Variants in CDK14 observed in about 807,000 individuals in gnomAD.
CDK14 encodes the protein cyclin-dependent kinase 14.
Under a neutral mutation model 60.7 loss-of-function variants are expected in CDK14, and 34 were observed. That is an observed-to-expected ratio of 0.56 (90% confidence interval 0.43 to 0.75). The LOEUF is 0.75. Ranked by LOEUF, CDK14 falls within the 30% of genes least tolerant of loss-of-function variation. The pLI, the probability that CDK14 is intolerant of heterozygous loss-of-function variation, is 0.00. For synonymous variants in CDK14, 197 were observed against 203.7 expected (o/e 0.97, Z 0.28); for missense variants, 482 against 564.1 (o/e 0.85, Z 1.47).
At chr7:91,098,862 A>G (rs1799082767) in intron 12 of CDK14, among the ~76,000 whole-genome samples, 1 of 152,168 alleles carries the variant, frequency 6.6e-6, no homozygotes, top group Non-Finnish European at 1.5e-5. Flanking sequence ...CAGTTGGTTT[A>G]AGCCTGTAAA....
At chr7:91,075,738 A>G (rs953418531) in intron 11 of CDK14, among the ~76,000 whole-genome samples, 2 of 152,120 alleles carry the variant, frequency 1.3e-5, no homozygotes, top group Non-Finnish European at 2.9e-5. Flanking sequence ...CAGCCCAAAA[A>G]CTTCTTAAGC....
intron 14 of CDK14, among the ~76,000 whole-genome samples, chr7:91,118,848 C>A (rs1296765069): frequency 6.6e-6 from 1 of 152,104 alleles, no homozygotes; most frequent in Non-Finnish European, 1.5e-5. Flanking sequence ...TCTTTGTCCT[C>A]TACTATTGTG....
chr7:91,145,485 G>A (rs1179710736), intron 14 of CDK14, among the ~76,000 whole-genome samples: 2 of 152,148 alleles, frequency 1.3e-5, no homozygotes, highest in African/African-American at 2.4e-5. Flanking sequence ...GACAGTAACC[G>A]TTGTTTGAGT....
chr7:90,777,131 T>C (rs1276193183), intron 4 of CDK14, among the ~76,000 whole-genome samples: 1 of 152,184 alleles, frequency 6.6e-6, no homozygotes, highest in Non-Finnish European at 1.5e-5. Flanking sequence ...ATTTTAAAAA[T>C]GTTGCTAAAT....
chr7:90,843,889 A>T (rs1790379122), intron 5 of CDK14, among the ~76,000 whole-genome samples: 1 of 152,090 alleles, frequency 6.6e-6, no homozygotes, highest in South Asian at 2.1e-4. Flanking sequence ...ATGTAATGTA[A>T]TTTTTACTGA....
At position 90,865,051 on chromosome 7, in the gene CDK14, C is replaced by T. The variant is rs79809510; in HGVS notation, c.639+1782C>T. 5.9e-3 allele frequency among the ~76,000 whole-genome samples: 899 copies of T among 152,242 alleles called. 16 individuals carry two copies. The highest frequency in any genetic ancestry group is 0.02 in the African/African-American group (851 of 41,554). On this transcript the variant is annotated intron_variant, in intron 6 of 14. Transcript: ENST00000380050. ...GCCTCTGCTTCTATTGACCTGTCTA[C>T]CTGTGTTGCCTTACTTTTACACTGC...
chr7:91,074,856 G>GATGGTT (rs1798250128), intron 11 of CDK14, among the ~76,000 whole-genome samples: 1 of 151,974 alleles, frequency 6.6e-6, no homozygotes, highest in Admixed American at 6.6e-5. Context: ...AGAGAATACT[G>GATGGTT]TAAACACCTC....
intron 14 of CDK14, among the ~76,000 whole-genome samples, chr7:91,200,286 T>C (rs1802674454): frequency 6.6e-6 from 1 of 152,244 alleles, no homozygotes; most frequent in South Asian, 2.1e-4. Context: ...TGTGTGTGTA[T>C]ACATGTATTT....
At chr7:91,096,208 G>T (rs1437786061) in intron 12 of CDK14, among the ~76,000 whole-genome samples, 1 of 152,044 alleles carries the variant, frequency 6.6e-6, no homozygotes, top group African/African-American at 2.4e-5. Flanking sequence ...GTGACCAATA[G>T]GATGTGACAG....
At chr7:90,711,895 T>TTTTTTTTTTA (rs1802076702) in intron 2 of CDK14, among the ~76,000 whole-genome samples, 1 of 151,254 alleles carries the variant, frequency 6.6e-6, no homozygotes, top group Non-Finnish European at 1.5e-5. Context: ...TTTTTTTTTT[T>TTTTTTTTTTA]TTTTTTCAAT....
Position 90,766,515 on chromosome 7 carries a change from T to G in CDK14, c.464+18740T>G, listed in dbSNP as rs146370374. The stretch of plus-strand genomic sequence containing the variant: ...CTGAGACCCATAAAGTTTGAGTAAT[T>G]TGCCTACAATCACACAGCTAAGTTC... On this transcript the variant is annotated intron_variant, in intron 4 of 14. Coordinates refer to ENST00000380050, the MANE Select transcript of CDK14 (RefSeq NM_001287135.2). Among the ~76,000 whole-genome samples the G allele has an allele frequency of 1.3e-3, 200 of 152,340 alleles. 1 individual carries two copies. The highest frequency in any genetic ancestry group is 4.6e-3 in the African/African-American group (190 of 41,568).
At chr7:90,712,827 CT>C (rs1278547996) in intron 2 of CDK14, among the ~76,000 whole-genome samples, 3 of 152,038 alleles carry the variant, frequency 2.0e-5, no homozygotes, top group African/African-American at 4.8e-5. Flanking sequence ...CTTGTGTCTC[CT>C]TTCTCTATTT....
intron 6 of CDK14, among the ~76,000 whole-genome samples, chr7:90,874,683 C>T (rs1056609929): frequency 4.3e-4 from 64 of 150,036 alleles, no homozygotes; most frequent in Middle Eastern, 3.4e-3. Context: ...CGCCCGCCAC[C>T]GTGCCCGGCT....
intron 8 of CDK14, among the ~76,000 whole-genome samples, chr7:90,922,402 A>G (rs997599988): frequency 6.6e-6 from 1 of 152,166 alleles, no homozygotes. Flanking sequence ...ATAATTGATA[A>G]TATATGAACC....
intron 12 of CDK14, among the ~76,000 whole-genome samples, chr7:91,105,166 G>A (rs376174313): frequency 6.6e-6 from 1 of 152,196 alleles, no homozygotes; most frequent in East Asian, 1.9e-4. Context: ...CAGGAAACCA[G>A]AAGAATAATC....
At chr7:91,136,700 T>C (rs1357409783) in intron 14 of CDK14, among the ~76,000 whole-genome samples, 1 of 152,220 alleles carries the variant, frequency 6.6e-6, no homozygotes, top group African/African-American at 2.4e-5. Flanking sequence ...CTTGAGGTTT[T>C]CTGAATTAAG....
At chr7:90,709,051 T>C (rs1378582675) in intron 2 of CDK14, among the ~76,000 whole-genome samples, 1 of 152,140 alleles carries the variant, frequency 6.6e-6, no homozygotes, top group Admixed American at 6.6e-5. Context: ...TTTGGTATTT[T>C]ATTTTTCAGA....
rs368574847 is a variant in CDK14 at position 91,207,190 on chromosome 7, G to GAAA, written c.*62_*64dup. Reference sequence around the variant, plus strand: ...GATTAAGTTGTCATCATTCTGGGAAGAAAAAAAAAACATTAATGAAGAGGC... The same window carrying GAAA: ...GATTAAGTTGTCATCATTCTGGGAAGAAAAAAAAAAAAACATTAATGAAGAGGC... On this transcript the variant is annotated 3_prime_UTR_variant, in exon 15 of 15. Coordinates refer to ENST00000380050, the MANE Select transcript of CDK14 (RefSeq NM_001287135.2). The GAAA allele has an allele frequency of 6.8e-6, 1 of 146,612 alleles. No homozygotes were observed. Among genetic ancestry groups the GAAA allele is most frequent in the African/African-American group, 2.5e-5 (1 of 39,998 alleles). 9.1% of individuals were successfully genotyped at this position (146,612 alleles called of 1,614,324 possible).
intron 2 of CDK14, among the ~76,000 whole-genome samples, chr7:90,628,266 AT>A (rs954709472): frequency 6.6e-6 from 1 of 152,062 alleles, no homozygotes; most frequent in African/African-American, 2.4e-5. Flanking sequence ...CAGAAAGGTG[AT>A]TTTTTAGGAT....
Sources: gnomAD v4.1 joint callset for allele counts (sites outside exome capture counted in the v4.1 genomes callset) on GRCh38, gnomAD v4.1.1 for gene constraint, MANE v1.5 for transcripts, NCBI Gene and HGNC (gene_info 2026-07-23, HGNC 2026-07-21) for gene names.